Variants in FLNC observed in about 807,000 individuals in gnomAD.
FLNC encodes the protein filamin-C.
In FLNC, 91 loss-of-function variants were observed where a neutral mutation model predicts 254.3. The ratio of observed to expected loss-of-function variants is 0.36; its 90% confidence interval spans 0.30 to 0.43. The LOEUF is 0.43. Ranked by LOEUF, FLNC falls within the 20% of genes least tolerant of loss-of-function variation. The probability of loss-of-function intolerance (pLI) is 1.00; values close to 1 mark genes in which losing one functional copy is unlikely to be tolerated. For missense variants in FLNC, 2,853 were observed against 3,802.6 expected (o/e 0.75, Z 6.57); for synonymous variants, 1,430 against 1,577.2 (o/e 0.91, Z 2.21).
Position 128,846,310 on chromosome 7 carries a change from T to C in FLNC, c.3974T>C (p.Leu1325Pro). 6.2e-7 allele frequency: 1 copy of C among 1,613,884 alleles called. No individual in the cohort carries two copies. The highest frequency in any genetic ancestry group is 8.5e-7 in the Non-Finnish European group (1 of 1,179,970). ...QYTAYEEGVH[L>P]VEVLYDEVAV... Reference sequence around the variant, plus strand: ...TGTGGCTGGCTTCCAGGCGTGCATCTGGTGGAGGTCCTGTATGATGAGGTC... The same window carrying C: ...TGTGGCTGGCTTCCAGGCGTGCATCCGGTGGAGGTCCTGTATGATGAGGTC... The change falls in exon 23 of 48, where the codon CTG (leucine) becomes CCG (proline). Residue 1325 changes from leucine to proline, a missense_variant. Around this residue, in one of 10 missense-constraint regions of FLNC, gnomAD observed 1,573 missense variants for 1,883.5 expected, o/e 0.84. Coordinates refer to ENST00000325888, the MANE Select transcript of FLNC (RefSeq NM_001458.5).
rs1308173261 is a variant in FLNC at position 128,849,988 on chromosome 7, C to T, written c.5212C>T (p.Leu1738=). 3 of 1,588,030 alleles carry T rather than the reference C, an allele frequency of 1.9e-6. No homozygotes were observed. In the Admixed American group the frequency reaches 5.2e-5, roughly 28 times the overall value. The change falls in exon 31 of 48, where the codon CTG becomes TTG. Residue 1738 remains leucine (L), a synonymous_variant. Coordinates refer to ENST00000325888, the MANE Select transcript of FLNC (RefSeq NM_001458.5). The part of the protein sequence containing the change: ...SPFHVLACDP[L]PHEEEPSEVP... ...CTTGCCTCCCCAGGCGTGTGACCCC[C>T]TGCCGCACGAGGAGGAGCCCTCTGA...
In FLNC at chr7:128,835,337, A is replaced by G; in HGVS notation, c.364A>G (p.Ile122Val). The G allele has an allele frequency of 1.9e-6, 3 of 1,613,124 alleles. No homozygotes were observed. Among genetic ancestry groups the G allele is most frequent in the Non-Finnish European group, 2.5e-6 (3 of 1,179,418 alleles). The part of the protein sequence containing the change: ...IKLVSIDSKA[I>V]VDGNLKLILG... ...CCTCCCCTCTGCAGACAGCAAGGCC[A>G]TCGTGGATGGGAACCTGAAGCTGAT... The change falls in exon 2 of 48, where the codon ATC (isoleucine) becomes GTC (valine). Residue 122 changes from isoleucine to valine, a missense_variant. By Grantham distance (29) the Ile-to-Val change is conservative. This residue lies in a region of FLNC where 115 missense variants were observed against 230.3 expected (regional missense o/e 0.50). Transcript: ENST00000325888. This position sits in a 1 kb window ranked among gnomAD's most constrained non-coding sequence, Gnocchi z 5.3.
intron 1 of FLNC, among the ~76,000 whole-genome samples, chr7:128,833,625 C>A (rs985071551): frequency 2.4e-4 from 37 of 152,188 alleles, no homozygotes; most frequent in Admixed American, 3.9e-4. Context: ...CACCGCCCCC[C>A]CCAACCCCTG....
chr7:128,853,364 CACATCGG>C (rs753473122), intron 37 of FLNC, 98 bp from the exon 38 acceptor site: 61 of 1,429,088 alleles, frequency 4.3e-5, no homozygotes, highest in Non-Finnish European at 5.6e-5. Context: ...GGTCACTACA[CACATCGG>C]TGCCCATTCT....
Position 128,842,447 on chromosome 7 carries a change from C to G in FLNC, c.2265+73C>G. 1 of 1,607,004 alleles carries G rather than the reference C, an allele frequency of 6.2e-7. No homozygotes were observed. The highest frequency in any genetic ancestry group is 1.8e-4 in the Middle Eastern group (1 of 5,656). On this transcript the variant is annotated intron_variant, in intron 14 of 47. Coordinates refer to ENST00000325888, the MANE Select transcript of FLNC (RefSeq NM_001458.5). The surrounding 1 kb of genome is among the most constrained non-coding windows in gnomAD (Gnocchi z 5.4). ...GGAGGGCGGAACCCTCGCTGGAGTCCCTGTTGTCCCTGGGCTCAGGCTGGG... is the reference window on the plus strand; with the variant it reads ...GGAGGGCGGAACCCTCGCTGGAGTCGCTGTTGTCCCTGGGCTCAGGCTGGG...
At chr7:128,839,313 T>C (rs2643765) in intron 8 of FLNC, among the ~76,000 whole-genome samples, 6,168 of 152,244 alleles carry the variant, frequency 0.041, 200 homozygotes, top group Middle Eastern at 0.15. Flanking sequence ...GCAGGTCTAG[T>C]GTCTTTGCCA....
At position 128,842,270 on chromosome 7, in the gene FLNC, AACGGCG is replaced by A. The variant is rs1384893746; in HGVS notation, c.2167_2172del (p.Asp723_Gly724del). ...TCCCATCGACATCAAGGTGATCCCC[AACGGCG>A]ACGGCACCTTCCGCTGCTCCTACGT... On this transcript the variant is annotated inframe_deletion, in exon 14 of 48. Coordinates refer to ENST00000325888, the MANE Select transcript of FLNC (RefSeq NM_001458.5). This position sits in a 1 kb window ranked among gnomAD's most constrained non-coding sequence, Gnocchi z 5.4. The A allele has an allele frequency of 1.2e-6, 2 of 1,613,756 alleles. No individual in the cohort carries two copies. Among genetic ancestry groups the A allele is most frequent in the Non-Finnish European group, 1.7e-6 (2 of 1,179,996 alleles).
intron 31 of FLNC, 146 bp downstream of exon 31, chr7:128,850,220 C>G (rs1039223790): frequency 9.8e-6 from 9 of 918,200 alleles, no homozygotes; most frequent in Non-Finnish European, 1.6e-5. Flanking sequence ...TGGAACCCCA[C>G]TTGGGCACAG....
rs774019775 is a variant in FLNC, at chr7:128,855,278, G to A, written c.7215G>A (p.Ser2405=). 25 of 1,613,598 alleles carry A rather than the reference G, an allele frequency of 1.5e-5. No individual in the cohort carries two copies. The East Asian group carries it at 2.7e-4, about 17-fold the overall frequency. ...SPFVVPVASL[S]DDARRLTVTS... Reference sequence around the variant, plus strand: ...TTGTGGTGCCTGTGGCCTCCCTCTCGGATGACGCTCGCCGTCTCACTGTCA... The same window carrying A: ...TTGTGGTGCCTGTGGCCTCCCTCTCAGATGACGCTCGCCGTCTCACTGTCA... Residue 2405 remains serine (S), a synonymous_variant, in exon 43 of 48, where the codon TCG becomes TCA. Coordinates refer to ENST00000325888, the MANE Select transcript of FLNC (RefSeq NM_001458.5).
chr7:128,831,165 C>G (rs1223266330), intron 1 of FLNC, among the ~76,000 whole-genome samples, 176 bp downstream of exon 1: 1 of 152,100 alleles, frequency 6.6e-6, no homozygotes, highest in Non-Finnish European at 1.5e-5. Flanking sequence ...GCCATGGGCA[C>G]TGCCTGCACA....
At position 128,854,173 on chromosome 7, in the gene FLNC, G is replaced by A. The variant is rs1477707563; in HGVS notation, c.6684G>A (p.Arg2228=). ...FPAVFGDFLG[R]ERLGSFGSIT... is the part of the protein sequence containing the mutation. ...CTGTGTTTGGGGACTTCCTGGGCCG[G>A]GAGCGCCTGGGATCCTTCGGCAGCA... Residue 2228 remains arginine, a synonymous_variant, in exon 40 of 48, where the codon CGG becomes CGA. Coordinates refer to ENST00000325888, the MANE Select transcript of FLNC (RefSeq NM_001458.5). The A allele has an allele frequency of 6.2e-7, 1 of 1,610,288 alleles. No individual in the cohort carries two copies. The highest frequency in any genetic ancestry group is 8.5e-7 in the Non-Finnish European group (1 of 1,178,682).
At chr7:128,853,338 A>T in intron 37 of FLNC, 131 bp from the exon 38 acceptor site, 1 of 1,180,586 alleles carries the variant, frequency 8.5e-7, no homozygotes, top group East Asian at 2.5e-5. Flanking sequence ...CCTCCCACTG[A>T]GCCATTTTTG....
chr7:128,856,759 C>T lies in FLNC; in HGVS notation c.7399C>T (p.Arg2467Cys), dbSNP rs1278916117. Residue 2467 changes from arginine to cysteine, a missense_variant, in exon 45 of 48, where the codon CGC becomes TGC. Around this residue, in one of 10 missense-constraint regions of FLNC, gnomAD observed 197 missense variants for 351.5 expected, o/e 0.56. Coordinates refer to ENST00000325888, the MANE Select transcript of FLNC (RefSeq NM_001458.5). This position sits in a 1 kb window ranked among gnomAD's most constrained non-coding sequence, Gnocchi z 5.9. ...TTTATCCACAGACAAGCACACCATC[C>T]GCTTCATCCCCCACGAGAATGGCGT... ...SELDSDKHTI[R>C]FIPHENGVHS... The T allele has an allele frequency of 5.0e-6, 8 of 1,614,066 alleles. No individual in the cohort carries two copies. The highest frequency in any genetic ancestry group is 2.2e-5 in the South Asian group (2 of 91,084).
In FLNC at chr7:128,846,183, G is replaced by A; in HGVS notation, c.3964+20G>A. ...AGGAGGGTGAGGGCCGGTGGGCCAGGCTAGTGGGCAGGGCTGGGCAAGTGG... is the reference window on the plus strand; with the variant it reads ...AGGAGGGTGAGGGCCGGTGGGCCAGACTAGTGGGCAGGGCTGGGCAAGTGG... On this transcript the variant is annotated intron_variant, in intron 22 of 47. Coordinates refer to ENST00000325888, the MANE Select transcript of FLNC (RefSeq NM_001458.5). The A allele has an allele frequency of 6.2e-7, 1 of 1,613,892 alleles. No homozygotes were observed. The highest frequency in any genetic ancestry group is 8.5e-7 in the Non-Finnish European group (1 of 1,179,894).
At position 128,854,501 on chromosome 7, in the gene FLNC, C is replaced by T. The variant is rs375139827; in HGVS notation, c.6816C>T (p.Ser2272=). Residue 2272 remains serine (S), a synonymous_variant, in exon 41 of 48, where the codon AGC becomes AGT. Coordinates refer to ENST00000325888, the MANE Select transcript of FLNC (RefSeq NM_001458.5). The stretch of plus-strand genomic sequence containing the variant: ...CAGAGATCGTCGAGGGCGAGGACAG[C>T]GCCTACAGCGTGCGCTTTGTGCCCC... The part of the protein sequence containing the change: ...EAAEIVEGED[S]AYSVRFVPQE... 2.7e-5 allele frequency: 43 copies of T among 1,604,690 alleles called. No homozygotes were observed. In the East Asian group the frequency reaches 7.2e-4, roughly 27 times the overall value.
intron 40 of FLNC, 36 bp downstream of exon 40, chr7:128,854,252 G>T (rs756559724): frequency 6.2e-7 from 1 of 1,603,810 alleles, no homozygotes; most frequent in Non-Finnish European, 8.5e-7. Context: ...GGGTCCTCAC[G>T]GCGGGATGGG....
chr7:128,855,440 T>A, intron 43 of FLNC, 126 bp downstream of exon 43: 1 of 721,340 alleles, frequency 1.4e-6, no homozygotes, highest in Non-Finnish European at 2.5e-6. Flanking sequence ...GAGTCCCTTC[T>A]CATAAGGCAC....
intron 35 of FLNC, 57 bp downstream of exon 35, chr7:128,851,685 C>T: frequency 6.4e-7 from 1 of 1,573,004 alleles, no homozygotes; most frequent in Non-Finnish European, 8.7e-7. Context: ...GCATACAGTG[C>T]ACTCATGTGC....
chr7:128,853,214 C>G, intron 37 of FLNC, 183 bp downstream of exon 37: 6 of 725,502 alleles, frequency 8.3e-6, no homozygotes, highest in South Asian at 6.5e-5. Flanking sequence ...CAGTTCTCTC[C>G]CTTTTAAGAG....
Sources: allele counts gnomAD v4.1 joint callset (sites outside exome capture counted in the v4.1 genomes callset), GRCh38; gene constraint gnomAD v4.1.1; regional missense constraint gnomAD v4.1.1; non-coding constraint Gnocchi (gnomAD v3.1); transcripts MANE v1.5; gene names NCBI Gene and HGNC (gene_info 2026-07-23, HGNC 2026-07-21).